Variants in IGF2BP2 observed in about 807,000 individuals in gnomAD.
IGF2BP2 encodes the protein insulin-like growth factor 2 mRNA-binding protein 2.
A neutral mutation model predicts 75.8 loss-of-function variants in IGF2BP2; 17 were observed. The observed-to-expected ratio is 0.22, with a 90% CI of 0.15 to 0.34. IGF2BP2 has a LOEUF of 0.34. IGF2BP2 is among the 10% of genes least tolerant of loss of function. The pLI is 1.00. For synonymous variants in IGF2BP2, 288 were observed against 295.6 expected (o/e 0.97, Z 0.26); for missense variants, 516 against 772.4 (o/e 0.67, Z 3.93).
intron 2 of IGF2BP2, among the ~76,000 whole-genome samples, chr3:185,818,205 T>C (rs16860252): frequency 1.3e-5 from 2 of 152,266 alleles, no homozygotes; most frequent in Middle Eastern, 3.4e-3. Context: ...TATTCAAATC[T>C]TGAATTTTCT....
intron 2 of IGF2BP2, among the ~76,000 whole-genome samples, chr3:185,702,359 C>G (rs1011725443): frequency 6.6e-6 from 1 of 151,920 alleles, no homozygotes; most frequent in African/African-American, 2.4e-5. Context: ...TTCCTTTAGA[C>G]AAGAAAGGAA....
intron 14 of IGF2BP2, among the ~76,000 whole-genome samples, chr3:185,648,288 C>T (rs1713951803): frequency 6.6e-6 from 1 of 151,914 alleles, no homozygotes; most frequent in Non-Finnish European, 1.5e-5. Flanking sequence ...ATGGTGAAAC[C>T]CCGTCTATAC....
At chr3:185,661,038 T>C (rs1716345760) in intron 10 of IGF2BP2, among the ~76,000 whole-genome samples, 1 of 152,216 alleles carries the variant, frequency 6.6e-6, no homozygotes, top group Admixed American at 6.5e-5. Flanking sequence ...GAAAGAGATT[T>C]TTAAAATTAG....
intron 2 of IGF2BP2, among the ~76,000 whole-genome samples, chr3:185,774,810 A>G: frequency 6.6e-6 from 1 of 152,126 alleles, no homozygotes; most frequent in East Asian, 1.9e-4. Context: ...TCACAAGGTC[A>G]GGAGTATCAG....
At position 185,696,594 on chromosome 3, in the gene IGF2BP2, G is replaced by A; in HGVS notation, c.340+18C>T. The A allele has an allele frequency of 6.2e-7, 1 of 1,610,426 alleles. No homozygotes were observed. The highest frequency in any genetic ancestry group is 8.5e-7 in the Non-Finnish European group (1 of 1,177,074). The stretch of plus-strand genomic sequence containing the variant: ...TAATATCTCTCTCCAAAACCCAAAA[G>A]GCTTCCTCACTTATTACCTTGTTCC... On this transcript the variant is annotated intron_variant, in intron 4 of 15. Coordinates refer to ENST00000382199, the MANE Select transcript of IGF2BP2 (RefSeq NM_006548.6).
At chr3:185,785,670 AT>A in intron 2 of IGF2BP2, among the ~76,000 whole-genome samples, 3 of 151,732 alleles carry the variant, frequency 2.0e-5, no homozygotes, top group African/African-American at 7.3e-5. Flanking sequence ...AAAAAAAATA[AT>A]AATAATTAGC....
chr3:185,723,253 T>C (rs1726831450), intron 2 of IGF2BP2, among the ~76,000 whole-genome samples: 4 of 152,192 alleles, frequency 2.6e-5, no homozygotes, highest in Admixed American at 1.3e-4. Context: ...TTGGAAATCA[T>C]GATATTGATT....
At chr3:185,714,112 T>A (rs917099236) in intron 2 of IGF2BP2, among the ~76,000 whole-genome samples, 4 of 152,174 alleles carry the variant, frequency 2.6e-5, no homozygotes, top group African/African-American at 7.2e-5. Context: ...ACTCATTTTT[T>A]AAAAATCCTT....
chr3:185,713,296 T>C (rs767171446), intron 2 of IGF2BP2: 6 of 399,728 alleles, frequency 1.5e-5, no homozygotes, highest in Admixed American at 6.0e-5. Context: ...CCACTTGTTA[T>C]TGCGACTTTG....
rs78576192 is a variant in IGF2BP2 at position 185,657,201 on chromosome 3, C to T, written c.1386+85G>A. ...GGGACTCTGTCTCTGCATGGTGTGGCGCTGCCTGGGACTGAGAGGGAACAA... is the reference window on the plus strand; with the variant it reads ...GGGACTCTGTCTCTGCATGGTGTGGTGCTGCCTGGGACTGAGAGGGAACAA... On this transcript the variant is annotated intron_variant, in intron 12 of 15. Coordinates refer to ENST00000382199, the MANE Select transcript of IGF2BP2 (RefSeq NM_006548.6). The T allele has an allele frequency of 7.6e-4, 655 of 858,754 alleles. 1 individual carries two copies. The African/African-American group carries it at 9.2e-3, about 12-fold the overall frequency. 53.2% of individuals were successfully genotyped at this position (858,754 alleles called of 1,614,324 possible).
chr3:185,667,408 T>C (rs1717813410), intron 10 of IGF2BP2, among the ~76,000 whole-genome samples: 2 of 152,050 alleles, frequency 1.3e-5, no homozygotes, highest in Non-Finnish European at 2.9e-5. Context: ...CCCAGGAATT[T>C]GAGGCTGTAG....
At chr3:185,719,694 C>T (rs762569878) in intron 2 of IGF2BP2, among the ~76,000 whole-genome samples, 1 of 152,108 alleles carries the variant, frequency 6.6e-6, no homozygotes, top group Non-Finnish European at 1.5e-5. Context: ...ATTAGCTGGA[C>T]GTGGTGGTGC....
At chr3:185,778,271 ACACT>A (rs1734775298) in intron 2 of IGF2BP2, among the ~76,000 whole-genome samples, 1 of 152,066 alleles carries the variant, frequency 6.6e-6, no homozygotes, top group South Asian at 2.1e-4. Flanking sequence ...ACACACCCCC[ACACT>A]CACTCAGACA....
intron 2 of IGF2BP2, among the ~76,000 whole-genome samples, chr3:185,754,368 C>G (rs1731333438): frequency 6.6e-6 from 1 of 152,058 alleles, no homozygotes; most frequent in African/African-American, 2.4e-5. Context: ...GATTTCTGTA[C>G]AGACTGCAAA....
chr3:185,745,878 GAAAA>G (rs888781143), intron 2 of IGF2BP2, among the ~76,000 whole-genome samples: 21 of 140,752 alleles, frequency 1.5e-4, no homozygotes, highest in Non-Finnish European at 3.0e-4. Flanking sequence ...TTGTACATAA[GAAAA>G]AAAAAAAAAG....
In IGF2BP2 at chr3:185,657,305, A is replaced by T. The variant is rs367657901; in HGVS notation, c.1367T>A (p.Phe456Tyr). 2.5e-6 allele frequency: 4 copies of T among 1,613,594 alleles called. No homozygotes were observed. Among genetic ancestry groups the T allele is most frequent in the Non-Finnish European group, 3.4e-6 (4 of 1,179,836 alleles). The part of the protein sequence containing the change: ...KGAHIKQLAR[F>Y]AGASIKIAPA... ...CCTCACCTTGATAGAGGCTCCGGCG[A>T]ATCTCGCCAGCTGTTTGATGTGTGC... Residue 456 changes from phenylalanine (F) to tyrosine (Y), a missense_variant, in exon 12 of 16, where the codon TTC (phenylalanine) becomes TAC (tyrosine). Around this residue, in one of 3 missense-constraint regions of IGF2BP2, gnomAD observed 129 missense variants for 230.5 expected, o/e 0.56. Transcript: ENST00000382199.
At chr3:185,701,361 G>T (rs1723272532) in intron 2 of IGF2BP2, among the ~76,000 whole-genome samples, 2 of 118,522 alleles carry the variant, frequency 1.7e-5, no homozygotes, top group Non-Finnish European at 3.5e-5. Flanking sequence ...ACTGGAACCT[G>T]CTAAGTAAAA....
intron 10 of IGF2BP2, among the ~76,000 whole-genome samples, chr3:185,663,008 T>C (rs1485094699): frequency 6.6e-6 from 1 of 152,222 alleles, no homozygotes; most frequent in African/African-American, 2.4e-5. Context: ...TTAGGTGATG[T>C]CTACAGCCTC....
intron 2 of IGF2BP2, among the ~76,000 whole-genome samples, chr3:185,711,254 T>C (rs1199795697): frequency 6.6e-6 from 1 of 152,234 alleles, no homozygotes; most frequent in Admixed American, 6.5e-5. Flanking sequence ...CCAGTGGTGC[T>C]GATAGAAATC....
Sources: gnomAD v4.1 joint callset for allele counts (sites outside exome capture counted in the v4.1 genomes callset) on GRCh38, gnomAD v4.1.1 for gene constraint, gnomAD v4.1.1 regional missense constraint, MANE v1.5 for transcripts, NCBI Gene and HGNC (gene_info 2026-07-23, HGNC 2026-07-21) for gene names.